Variants in ATXN1 observed in about 807,000 individuals in gnomAD.
ATXN1 encodes ataxin-1.
ATXN1 carries 8 observed loss-of-function variants against 56.4 expected under a neutral mutation model. The ratio of observed to expected loss-of-function variants is 0.14; its 90% CI spans 0.08 to 0.26. ATXN1 has a LOEUF of 0.26. Among genes scored for constraint, ATXN1 ranks in the 10% least tolerant of loss-of-function variants. ATXN1 has a pLI of 1.00. For missense variants in ATXN1, 987 were observed against 1,106.5 expected (o/e 0.89, Z 1.53); for synonymous variants, 514 against 494.6 (o/e 1.04, Z -0.52).
intron 6 of ATXN1, among the ~76,000 whole-genome samples, chr6:16,347,680 G>A (rs187779927): frequency 6.6e-6 from 1 of 152,234 alleles, no homozygotes. Flanking sequence ...AATCTAGTGG[G>A]GCCCTGGAGA....
intron 2 of ATXN1, among the ~76,000 whole-genome samples, chr6:16,702,784 C>G (rs1219475253): frequency 6.6e-6 from 1 of 152,188 alleles, no homozygotes; most frequent in African/African-American, 2.4e-5. Context: ...CAATGACATA[C>G]CATCTCACAC....
At chr6:16,697,565 T>C (rs963576020) in intron 2 of ATXN1, among the ~76,000 whole-genome samples, 2 of 152,146 alleles carry the variant, frequency 1.3e-5, no homozygotes, top group Non-Finnish European at 2.9e-5. Context: ...ATCTTTTTTT[T>C]CCTATGCTGT....
intron 3 of ATXN1, among the ~76,000 whole-genome samples, chr6:16,623,743 C>T (rs902090799): frequency 1.3e-5 from 2 of 152,162 alleles, no homozygotes; most frequent in Admixed American, 1.3e-4. Context: ...AGATAAGAAG[C>T]ATGTGTGTGT....
intron 2 of ATXN1, among the ~76,000 whole-genome samples, chr6:16,665,671 C>T (rs184645518): frequency 2.0e-4 from 30 of 152,202 alleles, no homozygotes; most frequent in African/African-American, 6.3e-4. Flanking sequence ...TCCATAATTC[C>T]CACCATTTGT....
intron 6 of ATXN1, among the ~76,000 whole-genome samples, chr6:16,433,901 C>T (rs1034083616): frequency 3.9e-5 from 6 of 152,204 alleles, no homozygotes; most frequent in Non-Finnish European, 7.3e-5. Context: ...GGTCACGACG[C>T]GTCCTCTAAC....
chr6:16,445,214 T>A (rs1232294556), intron 6 of ATXN1, among the ~76,000 whole-genome samples: 1 of 152,232 alleles, frequency 6.6e-6, no homozygotes, highest in Admixed American at 6.5e-5. Flanking sequence ...TTGATGATAT[T>A]GAGAAATGAC....
chr6:16,715,244 C>T (rs1034854317), intron 2 of ATXN1, among the ~76,000 whole-genome samples: 4 of 152,276 alleles, frequency 2.6e-5, no homozygotes, highest in South Asian at 2.1e-4. Context: ...ATGCTACATG[C>T]GTTCAGACAT....
intron 3 of ATXN1, among the ~76,000 whole-genome samples, chr6:16,591,475 G>A (rs189936380): frequency 2.6e-4 from 39 of 152,146 alleles, no homozygotes; most frequent in Admixed American, 2.0e-3. Context: ...TTATGTTTGC[G>A]TCATAACATC....
At chr6:16,744,537 A>G (rs918506788) in intron 2 of ATXN1, among the ~76,000 whole-genome samples, 2 of 152,184 alleles carry the variant, frequency 1.3e-5, no homozygotes, top group South Asian at 4.1e-4. Context: ...CACACAGGTC[A>G]GCAACGGAGG....
At chr6:16,415,690 G>A (rs1243987383) in intron 6 of ATXN1, among the ~76,000 whole-genome samples, 1 of 152,206 alleles carries the variant, frequency 6.6e-6, no homozygotes, top group Non-Finnish European at 1.5e-5. Context: ...AAAGAGCTGG[G>A]ACACCACAGG....
At chr6:16,367,360 T>TCACACA in intron 6 of ATXN1, among the ~76,000 whole-genome samples, 1 of 117,100 alleles carries the variant, frequency 8.5e-6, no homozygotes, top group African/African-American at 2.9e-5. Context: ...TCTCTCTCTC[T>TCACACA]CTCACACACA....
intron 2 of ATXN1, among the ~76,000 whole-genome samples, chr6:16,692,000 A>G (rs761797107): frequency 4.2e-4 from 64 of 152,376 alleles, no homozygotes; most frequent in Non-Finnish European, 7.5e-4. Context: ...GTGGTGGCTC[A>G]AGCCTGTAAT....
intron 6 of ATXN1, among the ~76,000 whole-genome samples, chr6:16,467,142 C>T (rs1535018): frequency 0.018 from 2,749 of 152,264 alleles, 32 homozygotes; most frequent in African/African-American, 0.036. Flanking sequence ...ATGCCCTGGG[C>T]GGGGAGACAG....
At chr6:16,612,148 C>T (rs149368017) in intron 3 of ATXN1, among the ~76,000 whole-genome samples, 1,979 of 151,826 alleles carry the variant, frequency 0.013, 18 homozygotes, top group African/African-American at 0.026. Flanking sequence ...TGTGAGCCAC[C>T]GCGCCCGGCC....
intron 6 of ATXN1, among the ~76,000 whole-genome samples, chr6:16,430,085 G>C (rs1387456838): frequency 1.3e-5 from 2 of 151,846 alleles, no homozygotes; most frequent in African/African-American, 2.4e-5. Context: ...TTAAATGTTA[G>C]GAAAAAAATT....
At chr6:16,655,423 T>C (rs1381707084) in intron 3 of ATXN1, among the ~76,000 whole-genome samples, 1 of 152,058 alleles carries the variant, frequency 6.6e-6, no homozygotes, top group East Asian at 1.9e-4. Context: ...TGGTCTGTGA[T>C]GATGATTCCT....
chr6:16,713,038 T>C (rs1313511339), intron 2 of ATXN1, among the ~76,000 whole-genome samples: 1 of 152,230 alleles, frequency 6.6e-6, no homozygotes, highest in Non-Finnish European at 1.5e-5. Context: ...ATAATAAGCA[T>C]AGTTGATGAA....
rs1046854905 is a variant in ATXN1 at position 16,759,530 on chromosome 6, G to GTTTTTTTTTTTTTTTTTTTT, written c.-730+1748_-730+1767dup. The stretch of plus-strand genomic sequence containing the variant: ...ATTATATAACCAGCTTCTTCCGACT[G>GTTTTTTTTTTTTTTTTTTTT]TTTTTTTTTTTTTTTTTTTTTTTTT... On this transcript the variant is annotated intron_variant, in intron 1 of 7. Coordinates refer to ENST00000436367, the MANE Select transcript of ATXN1 (RefSeq NM_001128164.2). 1.1e-4 allele frequency among the ~76,000 whole-genome samples: 5 copies of GTTTTTTTTTTTTTTTTTTTT among 45,960 alleles called. 1 individual carries two copies. The highest frequency in any genetic ancestry group is 1.7e-4 in the African/African-American group (2 of 11,598). The allele number at this position is 45,960 out of a possible 152,430, so 30.2% of individuals were successfully genotyped here.
intron 2 of ATXN1, among the ~76,000 whole-genome samples, chr6:16,705,344 G>A (rs1759384354): frequency 6.6e-6 from 1 of 152,178 alleles, no homozygotes; most frequent in African/African-American, 2.4e-5. Context: ...ACTGAATGAT[G>A]GAGCAGAATA....
Sources: allele counts gnomAD v4.1 joint callset (sites outside exome capture counted in the v4.1 genomes callset), GRCh38; gene constraint gnomAD v4.1.1; transcripts MANE v1.5; gene names NCBI Gene and HGNC (gene_info 2026-07-23, HGNC 2026-07-21).